Variants in CPVL observed in about 807,000 individuals in gnomAD.
CPVL encodes probable serine carboxypeptidase CPVL.
A neutral mutation model predicts 63.7 loss-of-function variants in CPVL; 51 were observed. The observed-to-expected ratio is 0.80, with a 90% CI of 0.64 to 1.01. The LOEUF is 1.01. CPVL is among the 50% of genes least tolerant of loss of function. CPVL has a pLI of 0.00. For missense variants in CPVL, 530 were observed against 573.1 expected (o/e 0.92, Z 0.77); for synonymous variants, 195 against 206.0 (o/e 0.95, Z 0.46).
intron 10 of CPVL, among the ~76,000 whole-genome samples, chr7:29,065,558 T>C (rs1327902485): frequency 2.0e-5 from 3 of 152,220 alleles, no homozygotes; most frequent in Non-Finnish European, 4.4e-5. Flanking sequence ...GTGAGGGCCA[T>C]ACTAAATGCA....
intron 4 of CPVL, among the ~76,000 whole-genome samples, 172 bp from the exon 5 acceptor site, chr7:29,095,314 C>T (rs1353156066): frequency 6.6e-6 from 1 of 152,116 alleles, no homozygotes; most frequent in Non-Finnish European, 1.5e-5. Context: ...CTTTACCCTC[C>T]CCACTCCTCT....
chr7:29,193,652 A>G (rs1783186855), intron 1 of CPVL: 2 of 152,340 alleles, frequency 1.3e-5, no homozygotes, highest in South Asian at 4.1e-4. Context: ...TCCCAGTGAA[A>G]TTAATTTAGG....
At chr7:29,128,194 T>C (rs76353008) in intron 1 of CPVL, 1 of 148,546 alleles carries the variant, frequency 6.7e-6, no homozygotes, top group Non-Finnish European at 1.5e-5. Flanking sequence ...TTTTTTTTTT[T>C]TTTTTTTTTT....
chr7:29,052,839 G>A (rs1254313039), intron 11 of CPVL, among the ~76,000 whole-genome samples: 1 of 152,120 alleles, frequency 6.6e-6, no homozygotes, highest in Non-Finnish European at 1.5e-5. Flanking sequence ...AACCCGGGAG[G>A]TGGAGGTTGC....
At chr7:29,112,334 T>A (rs1243830343) in intron 3 of CPVL, among the ~76,000 whole-genome samples, 3 of 152,132 alleles carry the variant, frequency 2.0e-5, no homozygotes, top group African/African-American at 7.2e-5. Flanking sequence ...ACTTCAGGAA[T>A]CTCCTTACTT....
chr7:29,169,204 T>A (rs35716437), intron 5 of CPVL, among the ~76,000 whole-genome samples: 27,540 of 152,164 alleles, frequency 0.18, 3,056 homozygotes, highest in African/African-American at 0.3. Flanking sequence ...AAAGGCATGT[T>A]ACTCAAAATA....
At chr7:29,109,145 C>A (rs146336716) in intron 3 of CPVL, among the ~76,000 whole-genome samples, 37 of 152,318 alleles carry the variant, frequency 2.4e-4, no homozygotes, top group Non-Finnish European at 4.1e-4. Flanking sequence ...TACATTTCTG[C>A]TAGTTTCCTT....
intron 1 of CPVL, among the ~76,000 whole-genome samples, chr7:29,124,253 T>C (rs1192468001): frequency 6.6e-6 from 1 of 152,176 alleles, no homozygotes; most frequent in Non-Finnish European, 1.5e-5. Context: ...AGACAGAGGA[T>C]ATCTCCCACA....
intron 11 of CPVL, among the ~76,000 whole-genome samples, chr7:29,043,335 C>T (rs972469246): frequency 6.6e-6 from 1 of 151,934 alleles, no homozygotes. Flanking sequence ...CTGCCCCATG[C>T]TCTCAATGGT....
intron 5 of CPVL, among the ~76,000 whole-genome samples, chr7:29,167,264 T>C (rs1796037382): frequency 1.3e-5 from 2 of 152,222 alleles, no homozygotes; most frequent in Admixed American, 6.5e-5. Context: ...CTTTGTCAAA[T>C]ACAATAATTC....
At chr7:29,109,170 A>T (rs1026876282) in intron 3 of CPVL, among the ~76,000 whole-genome samples, 4 of 152,202 alleles carry the variant, frequency 2.6e-5, no homozygotes, top group Non-Finnish European at 5.9e-5. Flanking sequence ...TTTTTATCCC[A>T]TGCAAAATGC....
intron 2 of CPVL, among the ~76,000 whole-genome samples, chr7:29,119,873 G>C (rs1789183441): frequency 6.6e-6 from 1 of 152,074 alleles, no homozygotes; most frequent in Non-Finnish European, 1.5e-5. Flanking sequence ...TTTCTGCCTT[G>C]GTTTCACATG....
intron 9 of CPVL, among the ~76,000 whole-genome samples, chr7:29,068,955 T>TTACAGGCGTGAGCCACTGCG (rs1562752021): frequency 6.7e-6 from 1 of 150,112 alleles, no homozygotes; most frequent in Non-Finnish European, 1.5e-5. Context: ...AGTGCTGGGA[T>TTACAGGCGTGAGCCACTGCG]TACAGGCGTG....
chr7:29,153,768 C>G lies in CPVL; in HGVS notation c.-11+27522G>C, dbSNP rs575178316. ...TATTTTTAGTAGAGACAGGGTTTCA[C>G]CATGTTGGCCAGGCTGGTCTCGAAC... On this transcript the variant is annotated intron_variant, in intron 5 of 16. Coordinates refer to the CPVL transcript ENST00000409850. Among the ~76,000 whole-genome samples, 104 of 152,186 alleles carry G rather than the reference C, an allele frequency of 6.8e-4. 3 individuals carry two copies. The South Asian group carries it at 0.021, about 31-fold the overall frequency.
chr7:29,169,880 G>GTGTGTGTGTGTA (rs148266761), intron 5 of CPVL, among the ~76,000 whole-genome samples: 65 of 150,044 alleles, frequency 4.3e-4, no homozygotes, highest in East Asian at 3.5e-3. Context: ...GTGTGTGTGT[G>GTGTGTGTGTGTA]TATATATATA....
At chr7:29,165,714 TTTC>T (rs1200800881) in intron 5 of CPVL, among the ~76,000 whole-genome samples, 1 of 152,190 alleles carries the variant, frequency 6.6e-6, no homozygotes, top group Non-Finnish European at 1.5e-5. Flanking sequence ...GTGGTTGAAT[TTTC>T]TTCTTTTCTT....
At chr7:29,003,113 GTAT>G (rs974267184) in intron 12 of CPVL, among the ~76,000 whole-genome samples, 1 of 150,380 alleles carries the variant, frequency 6.6e-6, no homozygotes, top group African/African-American at 2.4e-5. Context: ...ACACATAATA[GTAT>G]ATTAGTAATA....
chr7:29,001,701 T>G (rs1784654523), intron 12 of CPVL, among the ~76,000 whole-genome samples: 4 of 152,144 alleles, frequency 2.6e-5, no homozygotes. Flanking sequence ...AAATGGTTAT[T>G]GAATAGAATG....
At chr7:29,021,137 C>G (rs1786926860) in intron 12 of CPVL, among the ~76,000 whole-genome samples, 1 of 151,122 alleles carries the variant, frequency 6.6e-6, no homozygotes, top group Non-Finnish European at 1.5e-5. Context: ...TCATGACTGG[C>G]AGACAGAGTG....
Sources: gnomAD v4.1 joint callset for allele counts (sites outside exome capture counted in the v4.1 genomes callset) on GRCh38, gnomAD v4.1.1 for gene constraint, MANE v1.5 for transcripts, NCBI Gene and HGNC (gene_info 2026-07-23, HGNC 2026-07-21) for gene names.